Variants in DACH1 observed in about 807,000 individuals in gnomAD.
DACH1 encodes the protein dachshund homolog 1.
A neutral mutation model predicts 54.2 loss-of-function variants in DACH1; 12 were observed. That is an observed-to-expected ratio of 0.22 (90% CI 0.14 to 0.36). DACH1 has a LOEUF of 0.36. Ranked by LOEUF, DACH1 falls within the 10% of genes least tolerant of loss-of-function variation. The pLI is 1.00. For synonymous variants in DACH1, 386 were observed against 366.2 expected, an observed-to-expected ratio of 1.05 and a Z score of -0.62; for missense variants, 805 against 929.8, an observed-to-expected ratio of 0.87 and a Z score of 1.75.
rs1881896017 is a variant in DACH1 at position 71,525,519 on chromosome 13, AG to A, written c.1570+31504del. On this transcript the variant is annotated intron_variant, in intron 6 of 10. Coordinates refer to ENST00000613252, the MANE Select transcript of DACH1 (RefSeq NM_080759.6). ...ACAAATTCAAAATTAACAAATAAAGAGTATGTGTATGCCTATTTTTTCTTGG... is the reference window on the plus strand; with the variant it reads ...ACAAATTCAAAATTAACAAATAAAGATATGTGTATGCCTATTTTTTCTTGG... Among the ~76,000 whole-genome samples, 5 of 152,258 alleles carry A rather than the reference AG, an allele frequency of 3.3e-5. No individual in the cohort carries two copies. The South Asian group carries it at 1.0e-3, about 32-fold the overall frequency.
chr13:71,547,131 G>A (rs1040246514), intron 6 of DACH1, among the ~76,000 whole-genome samples: 1 of 151,996 alleles, frequency 6.6e-6, no homozygotes, highest in Non-Finnish European at 1.5e-5. Flanking sequence ...GCCAAATAAA[G>A]GTCTGAGGTT....
At chr13:71,656,773 A>AAT in intron 2 of DACH1, among the ~76,000 whole-genome samples, 1 of 150,032 alleles carries the variant, frequency 6.7e-6, no homozygotes, top group African/African-American at 2.4e-5. Flanking sequence ...ATGAGTTTTC[A>AAT]AGTCAGAATA....
chr13:71,808,074 C>T (rs1336492447), intron 1 of DACH1, among the ~76,000 whole-genome samples: 2 of 152,162 alleles, frequency 1.3e-5, no homozygotes, highest in Non-Finnish European at 2.9e-5. Flanking sequence ...TTACTCTCTC[C>T]TTGACATCAC....
intron 2 of DACH1, among the ~76,000 whole-genome samples, chr13:71,651,128 A>G (rs1878634552): frequency 6.6e-6 from 1 of 152,174 alleles, no homozygotes; most frequent in East Asian, 1.9e-4. Context: ...AGCACAGAAG[A>G]AAAATGCAAA....
At chr13:71,691,031 T>A (rs1881451809) in intron 1 of DACH1, among the ~76,000 whole-genome samples, 1 of 152,240 alleles carries the variant, frequency 6.6e-6, no homozygotes, top group African/African-American at 2.4e-5. Flanking sequence ...AATGACAAGA[T>A]ATTCACAGCA....
chr13:71,699,096 C>T (rs897912216), intron 1 of DACH1, among the ~76,000 whole-genome samples: 7 of 152,108 alleles, frequency 4.6e-5, no homozygotes, highest in Middle Eastern at 3.4e-3. Context: ...AGGATTGTAA[C>T]GGTAGATTTT....
chr13:71,636,026 C>T (rs914908245), intron 2 of DACH1, among the ~76,000 whole-genome samples: 2 of 152,036 alleles, frequency 1.3e-5, no homozygotes, highest in African/African-American at 4.8e-5. Flanking sequence ...TCTGGTGATC[C>T]ACCCGTCTCA....
chr13:71,612,723 T>C (rs1593985131), intron 3 of DACH1, among the ~76,000 whole-genome samples: 3 of 152,098 alleles, frequency 2.0e-5, no homozygotes, highest in African/African-American at 7.2e-5. Context: ...TACAAGAAAA[T>C]GAGATTATAA....
chr13:71,462,958 T>A (rs1876226978), intron 10 of DACH1, among the ~76,000 whole-genome samples: 1 of 151,832 alleles, frequency 6.6e-6, no homozygotes, highest in African/African-American at 2.4e-5. Flanking sequence ...TGTGTTTGTG[T>A]GTCTATACTC....
chr13:71,492,750 T>C (rs1416113756), intron 6 of DACH1, among the ~76,000 whole-genome samples: 1 of 151,752 alleles, frequency 6.6e-6, no homozygotes, highest in Non-Finnish European at 1.5e-5. Context: ...TGAGTGTGTG[T>C]GTGTGTGTGT....
At chr13:71,584,387 T>G (rs1873075989) in intron 3 of DACH1, among the ~76,000 whole-genome samples, 1 of 152,190 alleles carries the variant, frequency 6.6e-6, no homozygotes, top group Non-Finnish European at 1.5e-5. Context: ...ACTTTACGCT[T>G]AGTGTAAGTA....
At chr13:71,775,224 G>A (rs1886018128) in intron 1 of DACH1, among the ~76,000 whole-genome samples, 1 of 133,804 alleles carries the variant, frequency 7.5e-6, no homozygotes, top group Admixed American at 8.9e-5. Context: ...GATTATTTAA[G>A]CCCAGGAGCT....
rs533013626 is a variant in DACH1, at chr13:71,515,848, T to C, written c.1571-26700A>G. ...ACACTTGCCATCTGCTCTGCACACG[T>C]TGTAATAACTTATTAGACAAATTCA... On this transcript the variant is annotated intron_variant, in intron 6 of 10. Coordinates refer to ENST00000613252, the MANE Select transcript of DACH1 (RefSeq NM_080759.6). 2.0e-5 allele frequency among the ~76,000 whole-genome samples: 3 copies of C among 152,010 alleles called. No homozygotes were observed. The East Asian group carries it at 5.8e-4, about 30-fold the overall frequency.
intron 1 of DACH1, among the ~76,000 whole-genome samples, chr13:71,702,068 AT>A (rs1360490818): frequency 1.3e-5 from 2 of 152,170 alleles, no homozygotes; most frequent in African/African-American, 2.4e-5. Context: ...CATATATAAA[AT>A]GATGCAAAAT....
intron 1 of DACH1, among the ~76,000 whole-genome samples, chr13:71,760,602 G>A (rs1216146433): frequency 6.6e-6 from 1 of 152,104 alleles, no homozygotes; most frequent in African/African-American, 2.4e-5. Flanking sequence ...CATAGAACTC[G>A]TTACCGTCAT....
At chr13:71,615,399 T>G (rs1183042876) in intron 3 of DACH1, among the ~76,000 whole-genome samples, 1 of 152,214 alleles carries the variant, frequency 6.6e-6, no homozygotes, top group South Asian at 2.1e-4. Flanking sequence ...GGAAGTCTTA[T>G]GTGCACTGAA....
chr13:71,683,172 C>G (rs1017232526), intron 1 of DACH1, among the ~76,000 whole-genome samples: 2 of 152,072 alleles, frequency 1.3e-5, no homozygotes, highest in Non-Finnish European at 2.9e-5. Context: ...TTTAGGAGAA[C>G]GGGTTCTTAG....
At chr13:71,767,404 C>A (rs138320668) in intron 1 of DACH1, among the ~76,000 whole-genome samples, 38 of 152,038 alleles carry the variant, frequency 2.5e-4, no homozygotes, top group Admixed American at 8.5e-4. Flanking sequence ...ATCTGAATGA[C>A]CACATAATAA....
At chr13:71,794,868 C>T (rs1234233164) in intron 1 of DACH1, among the ~76,000 whole-genome samples, 3 of 152,124 alleles carry the variant, frequency 2.0e-5, no homozygotes, top group Non-Finnish European at 2.9e-5. Context: ...AAAACTAATG[C>T]CCTTTAAAAA....
Sources: gnomAD v4.1 joint callset for allele counts (sites outside exome capture counted in the v4.1 genomes callset) on GRCh38, gnomAD v4.1.1 for gene constraint, MANE v1.5 for transcripts, NCBI Gene and HGNC (gene_info 2026-07-23, HGNC 2026-07-21) for gene names.